Variants in PLEKHA5 observed in about 807,000 individuals in gnomAD.
The protein encoded by PLEKHA5 is pleckstrin homology domain containing A5, also known as pleckstrin homology domain-containing family A member 5.
A neutral mutation model predicts 181.9 loss-of-function variants in PLEKHA5; 55 were observed. The observed-to-expected ratio is 0.30, with a 90% CI of 0.24 to 0.38. The LOEUF is 0.38. PLEKHA5 is among the 10% of genes least tolerant of loss of function. PLEKHA5 has a pLI of 1.00. For missense variants in PLEKHA5, 1,432 were observed against 1,549.5 expected, an observed-to-expected ratio of 0.92 and a Z score of 1.27; for synonymous variants, 535 against 529.4, an observed-to-expected ratio of 1.01 and a Z score of -0.15.
chr12:19,367,632 TGC>T (rs1465482731), intron 30 of PLEKHA5, among the ~76,000 whole-genome samples: 10 of 151,782 alleles, frequency 6.6e-5, no homozygotes, highest in Non-Finnish European at 1.5e-4. Flanking sequence ...CAGGCTGGAG[TGC>T]AGTGGCGCGA....
At chr12:19,235,138 C>A (rs1592152686) in intron 3 of PLEKHA5, among the ~76,000 whole-genome samples, 1 of 152,064 alleles carries the variant, frequency 6.6e-6, no homozygotes, top group South Asian at 2.1e-4. Context: ...CATATGCAAA[C>A]CCTTCTGGTT....
intron 18 of PLEKHA5, among the ~76,000 whole-genome samples, chr12:19,321,275 T>C (rs1173761147): frequency 6.6e-6 from 1 of 152,056 alleles, no homozygotes; most frequent in Admixed American, 6.6e-5. Context: ...TAAATTTAGT[T>C]TCTTTTAAAT....
intron 25 of PLEKHA5, among the ~76,000 whole-genome samples, chr12:19,348,957 G>T (rs1434597981): frequency 6.6e-6 from 1 of 151,838 alleles, no homozygotes; most frequent in African/African-American, 2.4e-5. Context: ...GCAAGACTTC[G>T]TCTCATAAAT....
Position 19,209,628 on chromosome 12 carries a change from G to A in PLEKHA5, c.228-44312G>A, listed in dbSNP as rs2056500529. Among the ~76,000 whole-genome samples the A allele has an allele frequency of 2.0e-5, 3 of 152,158 alleles. No homozygotes were observed. The South Asian group carries it at 6.2e-4, about 32-fold the overall frequency. On this transcript the variant is annotated intron_variant, in intron 3 of 31. Transcript: ENST00000429027. ...TCCTGAAGCATTTCTTTGAAGAATT[G>A]TAGCAGAAGATGAAATATGGCTTTA...
In PLEKHA5 at chr12:19,356,220, A is replaced by G. The variant is rs551274648; in HGVS notation, c.3139-2008A>G. 3.3e-5 allele frequency among the ~76,000 whole-genome samples: 5 copies of G among 152,056 alleles called. No individual in the cohort carries two copies. The South Asian group carries it at 1.0e-3, about 32-fold the overall frequency. On this transcript the variant is annotated intron_variant, in intron 26 of 31. Coordinates refer to ENST00000429027, the MANE Select transcript of PLEKHA5 (RefSeq NM_001256470.2). ...CAAATATAAAATCAAGCAGAAAGATACTAGCAGGTTTAGGCCAGGCATAGT... is the reference window on the plus strand; with the variant it reads ...CAAATATAAAATCAAGCAGAAAGATGCTAGCAGGTTTAGGCCAGGCATAGT...
At chr12:19,147,166 TA>T (rs1466299391) in intron 3 of PLEKHA5, 1 of 152,232 alleles carries the variant, frequency 6.6e-6, no homozygotes, top group Non-Finnish European at 1.5e-5. Flanking sequence ...CTTCCTCTTA[TA>T]TAGATTTTAC....
At chr12:19,155,437 T>C (rs1426593083) in intron 3 of PLEKHA5, among the ~76,000 whole-genome samples, 1 of 152,168 alleles carries the variant, frequency 6.6e-6, no homozygotes, top group African/African-American at 2.4e-5. Context: ...TCACGTCCTT[T>C]TTTTGTATGT....
chr12:19,146,068 G>T (rs2038840855), intron 3 of PLEKHA5, among the ~76,000 whole-genome samples: 1 of 152,158 alleles, frequency 6.6e-6, no homozygotes, highest in Non-Finnish European at 1.5e-5. Context: ...CTGAGAATTA[G>T]GGTTGGCCAA....
chr12:19,228,932 G>A (rs1390431646), intron 3 of PLEKHA5, among the ~76,000 whole-genome samples: 2 of 152,096 alleles, frequency 1.3e-5, no homozygotes, highest in African/African-American at 2.4e-5. Context: ...ACAGCAGTAT[G>A]TGTAACATTT....
At chr12:19,306,924 AGGTC>A (rs2083996351) in intron 15 of PLEKHA5, 1 of 864,376 alleles carries the variant, frequency 1.2e-6, no homozygotes, top group African/African-American at 1.7e-5. Flanking sequence ...ATGCAATGGC[AGGTC>A]TTCTGCTTGG....
chr12:19,146,528 A>G (rs2038964396), intron 3 of PLEKHA5, among the ~76,000 whole-genome samples: 1 of 152,352 alleles, frequency 6.6e-6, no homozygotes, highest in South Asian at 2.1e-4. Flanking sequence ...CGAACATTAT[A>G]CATGTATTTA....
At chr12:19,312,858 C>T (rs2087057649) in intron 15 of PLEKHA5, among the ~76,000 whole-genome samples, 1 of 152,204 alleles carries the variant, frequency 6.6e-6, no homozygotes, top group South Asian at 2.1e-4. Flanking sequence ...CGGCCTGTCT[C>T]AGCTTTTCCA....
intron 11 of PLEKHA5, 115 bp from the exon 12 acceptor site, chr12:19,283,165 A>AAAAAAG: frequency 1.8e-6 from 1 of 568,538 alleles, no homozygotes; most frequent in South Asian, 2.9e-5. Context: ...AAAAAAAAAA[A>AAAAAAG]AAAAAAAATT....
At chr12:19,290,232 A>G (rs2078116861) in intron 13 of PLEKHA5, among the ~76,000 whole-genome samples, 2 of 152,186 alleles carry the variant, frequency 1.3e-5, no homozygotes, top group Admixed American at 1.3e-4. Context: ...TGCCCGGACT[A>G]CATTTATTTT....
intron 20 of PLEKHA5, among the ~76,000 whole-genome samples, chr12:19,335,460 G>A (rs1396788584): frequency 6.6e-6 from 1 of 150,394 alleles, no homozygotes; most frequent in African/African-American, 2.5e-5. Context: ...CTGTCACCCA[G>A]GGTGGAGTGC....
chr12:19,231,816 G>A (rs1340937455), intron 3 of PLEKHA5, among the ~76,000 whole-genome samples: 1 of 151,402 alleles, frequency 6.6e-6, no homozygotes, highest in Non-Finnish European at 1.5e-5. Flanking sequence ...TACATTTGTT[G>A]CATATATACT....
At chr12:19,131,724 C>T (rs2033923517) in intron 2 of PLEKHA5, among the ~76,000 whole-genome samples, 1 of 151,400 alleles carries the variant, frequency 6.6e-6, no homozygotes, top group Non-Finnish European at 1.5e-5. Flanking sequence ...TGGTTTTGTA[C>T]ACACATCGGT....
chr12:19,130,047 G>A lies in PLEKHA5; in HGVS notation c.90-4G>A. 6.3e-7 allele frequency: 1 copy of A among 1,583,406 alleles called. No homozygotes were observed. Among genetic ancestry groups the A allele is most frequent in the East Asian group, 2.3e-5 (1 of 42,692 alleles). Reference sequence around the variant, plus strand: ...CGTGTCTGCCCCTTCTCTCACCCCTGCAGCGAGGAGGCCAAGAGCACCACC... The same window carrying A: ...CGTGTCTGCCCCTTCTCTCACCCCTACAGCGAGGAGGCCAAGAGCACCACC... On this transcript the variant is annotated splice_region_variant and splice_polypyrimidine_tract_variant and intron_variant, in intron 1 of 31. Coordinates refer to ENST00000429027, the MANE Select transcript of PLEKHA5 (RefSeq NM_001256470.2). The surrounding 1 kb of genome is among the most constrained non-coding windows in gnomAD (Gnocchi z 4.5).
At chr12:19,317,305 G>A (rs1460567250) in intron 16 of PLEKHA5, among the ~76,000 whole-genome samples, 2 of 151,416 alleles carry the variant, frequency 1.3e-5, no homozygotes, top group South Asian at 2.1e-4. Context: ...CTGTGATTAC[G>A]ATTACACCAC....
Sources: gnomAD v4.1 joint callset for allele counts (sites outside exome capture counted in the v4.1 genomes callset) on GRCh38, gnomAD v4.1.1 for gene constraint, Gnocchi (gnomAD v3.1) non-coding constraint, MANE v1.5 for transcripts, NCBI Gene and HGNC (gene_info 2026-07-23, HGNC 2026-07-21) for gene names.